CNBD2: variants seen among roughly 807,000 people sequenced by gnomAD.
CNBD2 encodes the protein cyclic nucleotide-binding domain-containing protein 2.
In CNBD2, 64 loss-of-function variants were observed where a neutral mutation model predicts 63.7. The ratio of observed to expected loss-of-function variants is 1.00; its 90% CI spans 0.82 to 1.24. The LOEUF is 1.24. Among genes scored for constraint, CNBD2 ranks in the 50% most tolerant of loss-of-function variants. CNBD2 has a pLI of 0.00. For missense variants in CNBD2, 691 were observed against 713.5 expected, an observed-to-expected ratio of 0.97 and a Z score of 0.36; for synonymous variants, 229 against 255.4, an observed-to-expected ratio of 0.90 and a Z score of 0.99.
intron 11 of CNBD2, among the ~76,000 whole-genome samples, chr20:36,025,255 T>C (rs7360675): frequency 1.3e-5 from 2 of 152,152 alleles, no homozygotes; most frequent in East Asian, 3.8e-4. Flanking sequence ...ACAATGCCTA[T>C]GGTAAGAGTC....
At chr20:35,982,574 C>A (rs969673937) in intron 4 of CNBD2, among the ~76,000 whole-genome samples, 2 of 152,206 alleles carry the variant, frequency 1.3e-5, no homozygotes, top group African/African-American at 2.4e-5. Context: ...ATGCTAGAGC[C>A]TTGTCTGACC....
chr20:36,030,466 A>G lies in CNBD2; in HGVS notation c.1549A>G (p.Asn517Asp). The G allele has an allele frequency of 6.2e-7, 1 of 1,613,942 alleles. No homozygotes were observed. Among genetic ancestry groups the G allele is most frequent in the Non-Finnish European group, 8.5e-7 (1 of 1,179,906 alleles). Residue 517 changes from asparagine (N) to aspartate (D), a missense_variant, in exon 12 of 12, where the codon AAC becomes GAC. Physicochemically the swap from Asn to Asp is conservative, Grantham distance 23. Transcript: ENST00000373973. ...TTGCCAAAGTCAACTGTTCACTCCAAACCGGCCCAAGAAGAGAGAGATCTA... is the reference window on the plus strand; with the variant it reads ...TTGCCAAAGTCAACTGTTCACTCCAGACCGGCCCAAGAAGAGAGAGATCTA... ...EPCQSQLFTPNRPKKREIYNP... is the reference protein window; with the variant it reads ...EPCQSQLFTPDRPKKREIYNP...
chr20:35,980,510 AGAAC>A lies in CNBD2; in HGVS notation c.296_299del (p.Arg99LysfsTer43), dbSNP rs2056582382. On this transcript the variant is annotated frameshift_variant, in exon 4 of 12. Transcript: ENST00000373973. LOFTEE classifies it high-confidence loss of function. ...GATCATGCAGAAGAAGCCTTCCTGGAGAACAGAGGATGAGATCCAGGCCGTCTGT... is the reference window on the plus strand; with the variant it reads ...GATCATGCAGAAGAAGCCTTCCTGGAAGAGGATGAGATCCAGGCCGTCTGT... The A allele has an allele frequency of 4.3e-6, 7 of 1,614,090 alleles. No homozygotes were observed. The highest frequency in any genetic ancestry group is 5.9e-6 in the Non-Finnish European group (7 of 1,180,030).
chr20:35,968,390 C>T (rs1192528305), upstream of CNBD2, among the ~76,000 whole-genome samples: 1 of 152,162 alleles, frequency 6.6e-6, no homozygotes, highest in Non-Finnish European at 1.5e-5. Flanking sequence ...CTCACCAGGA[C>T]TCTGGCAGCC....
At chr20:35,997,908 A>G (rs2056846267) in intron 8 of CNBD2, among the ~76,000 whole-genome samples, 1 of 152,184 alleles carries the variant, frequency 6.6e-6, no homozygotes, top group African/African-American at 2.4e-5. Flanking sequence ...AATGTTATTC[A>G]GTTCAAAATA....
At chr20:36,026,517 C>G (rs1023141081) in intron 11 of CNBD2, among the ~76,000 whole-genome samples, 1 of 152,088 alleles carries the variant, frequency 6.6e-6, no homozygotes, top group African/African-American at 2.4e-5. Flanking sequence ...GGATAAAGTC[C>G]AAACTCAATG....
chr20:36,014,182 C>CAAAAAAAAAAA (rs1398212585), intron 10 of CNBD2, among the ~76,000 whole-genome samples: 955 of 94,460 alleles, frequency 0.01, 67 homozygotes, highest in African/African-American at 0.042. Flanking sequence ...GACTCCATCT[C>CAAAAAAAAAAA]AAAAAAAAAA....
At chr20:35,982,534 T>C (rs1381981995) in intron 4 of CNBD2, among the ~76,000 whole-genome samples, 1 of 152,190 alleles carries the variant, frequency 6.6e-6, no homozygotes, top group Non-Finnish European at 1.5e-5. Context: ...TCCATCTCTT[T>C]GTCCACCTGG....
intron 8 of CNBD2, among the ~76,000 whole-genome samples, chr20:35,996,672 CAAT>C (rs980734377): frequency 6.6e-5 from 10 of 152,060 alleles, no homozygotes; most frequent in African/African-American, 2.4e-4. Context: ...CATGCCCGGC[CAAT>C]TTTTGTTTTT....
chr20:35,980,765 C>G lies in CNBD2; in HGVS notation c.407+143C>G, dbSNP rs141794377. On this transcript the variant is annotated intron_variant, in intron 4 of 11. Coordinates refer to ENST00000373973, the MANE Select transcript of CNBD2 (RefSeq NM_001365709.1). ...AGTCTTCTGTCCATTCACTTCAGCT[C>G]CCACTGCTATGGTCGCAGCACCCTT... The G allele has an allele frequency of 1.1e-4, 75 of 699,128 alleles. 1 individual carries two copies. The highest frequency in any genetic ancestry group is 8.9e-4 in the African/African-American group (50 of 55,888). 43.3% of individuals were successfully genotyped at this position (699,128 alleles called of 1,614,324 possible).
chr20:35,992,145 T>C (rs906285252), intron 7 of CNBD2, among the ~76,000 whole-genome samples: 2 of 152,144 alleles, frequency 1.3e-5, no homozygotes, highest in African/African-American at 4.8e-5. Context: ...CCTCCCAAAG[T>C]GCTGGGATTA....
At chr20:35,998,040 CTTTT>C (rs1046661526) in intron 8 of CNBD2, among the ~76,000 whole-genome samples, 4 of 127,112 alleles carry the variant, frequency 3.1e-5, no homozygotes, top group Non-Finnish European at 3.3e-5. Context: ...TTTTCTTTTT[CTTTT>C]TTTTTTTTTT....
chr20:36,015,140 C>T (rs1470385895), intron 10 of CNBD2, among the ~76,000 whole-genome samples: 1 of 151,974 alleles, frequency 6.6e-6, no homozygotes, highest in Non-Finnish European at 1.5e-5. Flanking sequence ...TTTTCATATA[C>T]CTGTTGGTCA....
rs745365336 is a variant in CNBD2 at position 36,030,667 on chromosome 20, C to A, written c.*19C>A. ...GGCTTAGTGTAAGAGCACAGGGGTC[C>A]TTATTTAGGACAAATAAAGGATGGT... On this transcript the variant is annotated 3_prime_UTR_variant, in exon 12 of 12. Transcript: ENST00000373973. 3.7e-6 allele frequency: 6 copies of A among 1,612,302 alleles called. No homozygotes were observed. The highest frequency in any genetic ancestry group is 5.1e-6 in the Non-Finnish European group (6 of 1,178,792).
intron 10 of CNBD2, among the ~76,000 whole-genome samples, chr20:36,021,245 G>A (rs1030439240): frequency 1.3e-5 from 2 of 152,162 alleles, no homozygotes; most frequent in African/African-American, 4.8e-5. Flanking sequence ...ATGAGATCCT[G>A]TCATTTGCAG....
chr20:36,010,852 G>C (rs945208816), intron 9 of CNBD2, among the ~76,000 whole-genome samples: 1 of 152,202 alleles, frequency 6.6e-6, no homozygotes, highest in Non-Finnish European at 1.5e-5. Context: ...ATTAGGCCTG[G>C]CTTGGCTGCA....
upstream of CNBD2, among the ~76,000 whole-genome samples, chr20:35,964,784 C>T (rs1438258436): frequency 1.3e-5 from 2 of 152,048 alleles, no homozygotes; most frequent in East Asian, 3.9e-4. Context: ...CTCACTGCAA[C>T]CTCTGCCTCC....
chr20:35,989,627 G>T (rs1271836316), intron 7 of CNBD2, among the ~76,000 whole-genome samples: 1 of 152,110 alleles, frequency 6.6e-6, no homozygotes, highest in East Asian at 1.9e-4. Flanking sequence ...GCCTATGAGA[G>T]CTGATTGTTA....
chr20:35,991,417 GAGAAC>G (rs1188943256), intron 7 of CNBD2, among the ~76,000 whole-genome samples: 1 of 152,206 alleles, frequency 6.6e-6, no homozygotes, highest in Non-Finnish European at 1.5e-5. Flanking sequence ...CTCAGTCCCA[GAGAAC>G]AGAATCAAGT....
Sources: allele counts gnomAD v4.1 joint callset (sites outside exome capture counted in the v4.1 genomes callset), GRCh38; gene constraint gnomAD v4.1.1; transcripts MANE v1.5; gene names NCBI Gene and HGNC (gene_info 2026-07-23, HGNC 2026-07-21).